Variants in TMEM9B observed in about 807,000 individuals in gnomAD.
The protein encoded by TMEM9B is transmembrane protein 9B.
In TMEM9B, 8 loss-of-function variants were observed where a neutral mutation model predicts 23.5. That is an observed-to-expected ratio of 0.34 (90% CI 0.20 to 0.61). The LOEUF (loss-of-function observed/expected upper bound fraction) is 0.61, where lower values mean the gene tolerates loss of function less well. Ranked by LOEUF, TMEM9B falls within the 20% of genes least tolerant of loss-of-function variation. The pLI, the probability that TMEM9B is intolerant of heterozygous loss-of-function variation, is 0.78. For missense variants in TMEM9B, 197 were observed against 252.3 expected (o/e 0.78, Z 1.49); for synonymous variants, 106 against 96.3 (o/e 1.10, Z -0.59).
intron 4 of TMEM9B, among the ~76,000 whole-genome samples, chr11:8,950,959 AC>A (rs1245606182): frequency 3.3e-5 from 5 of 152,206 alleles, no homozygotes; most frequent in African/African-American, 4.8e-5. Flanking sequence ...TAGAGTTGTT[AC>A]CATAAATTCA....
At chr11:8,962,980 T>G (rs1462128705) in intron 1 of TMEM9B, 6 of 152,226 alleles carry the variant, frequency 3.9e-5, no homozygotes, top group Admixed American at 2.6e-4. Context: ...GCAGAGCTAT[T>G]GACAATTCAC....
chr11:8,948,704 G>A (rs554932647), intron 4 of TMEM9B, among the ~76,000 whole-genome samples: 26 of 152,246 alleles, frequency 1.7e-4, no homozygotes, highest in African/African-American at 6.0e-4. Context: ...TTTGTGAAAC[G>A]TTCCCATGGA....
upstream of TMEM9B, chr11:8,964,467 G>A (rs933446406): frequency 2.8e-6 from 4 of 1,423,130 alleles, no homozygotes; most frequent in South Asian, 4.6e-5. Context: ...CACCGGGCGC[G>A]CCGGGTCAGA....
intron 3 of TMEM9B, among the ~76,000 whole-genome samples, chr11:8,954,985 T>C (rs1853947324): frequency 6.6e-6 from 1 of 152,026 alleles, no homozygotes; most frequent in Non-Finnish European, 1.5e-5. Flanking sequence ...ATCCTGTCTC[T>C]ACTAAAAATA....
At chr11:8,961,112 C>G (rs1229788987) in intron 2 of TMEM9B, among the ~76,000 whole-genome samples, 1 of 150,254 alleles carries the variant, frequency 6.7e-6, no homozygotes, top group Non-Finnish European at 1.5e-5. Context: ...CTCAAGAACA[C>G]ACTTAACAAA....
intron 3 of TMEM9B, among the ~76,000 whole-genome samples, chr11:8,955,381 G>A (rs1195963826): frequency 6.6e-6 from 1 of 152,016 alleles, no homozygotes; most frequent in Non-Finnish European, 1.5e-5. Context: ...CATTTATTGT[G>A]CACTTTATTT....
Position 8,962,910 on chromosome 11 carries a change from A to AGT in TMEM9B, c.106-729_106-728dup, listed in dbSNP as rs1854106973. 4 of 152,276 alleles carry AGT rather than the reference A, an allele frequency of 2.6e-5. No individual in the cohort carries two copies. The South Asian group carries it at 8.3e-4, about 32-fold the overall frequency. The allele number at this position is 152,276 out of a possible 1,614,324, so 9.4% of individuals were successfully genotyped here. On this transcript the variant is annotated intron_variant, in intron 1 of 4. Transcript: ENST00000534025. ...CAAAGGGGAATCTGTTTGAGAAGGA[A>AGT]GTGGCTTATCATTCCCCAGAGGACC...
Position 8,957,612 on chromosome 11 carries a change from C to A in TMEM9B, c.198-1314G>T, listed in dbSNP as rs763857182. Among the ~76,000 whole-genome samples, 1 of 152,192 alleles carries A rather than the reference C, an allele frequency of 6.6e-6. No individual in the cohort carries two copies. Among genetic ancestry groups the A allele is most frequent in the Non-Finnish European group, 1.5e-5 (1 of 68,040 alleles). On this transcript the variant is annotated intron_variant, in intron 2 of 4. Transcript: ENST00000534025. The surrounding 1 kb of genome is among the most constrained non-coding windows in gnomAD (Gnocchi z 4.3). ...CCTTCTCTTTCCCCACCAAAATGTA[C>A]TTTTTGGAAACAAAGTTACAGCTTG...
intron 2 of TMEM9B, among the ~76,000 whole-genome samples, chr11:8,959,213 C>A (rs7106152): frequency 6.6e-6 from 1 of 152,156 alleles, no homozygotes; most frequent in Admixed American, 6.5e-5. Flanking sequence ...AGGAGGCCAA[C>A]ATGTGAGGAT....
At chr11:8,952,123 AC>A (rs753278970) in intron 4 of TMEM9B, among the ~76,000 whole-genome samples, 26 of 152,140 alleles carry the variant, frequency 1.7e-4, no homozygotes, top group Non-Finnish European at 3.4e-4. Flanking sequence ...AACAAAAAAA[AC>A]ATTCTCTAAG....
rs1476620068 is a variant in TMEM9B, at chr11:8,957,896, C to T, written c.198-1598G>A. ...TTTCAGCCGGGCGCAGTGGCTCATG[C>T]CTGTAATCCCAGCACTTTGGGAGGC... On this transcript the variant is annotated intron_variant, in intron 2 of 4. Transcript: ENST00000534025. The surrounding 1 kb of genome is among the most constrained non-coding windows in gnomAD (Gnocchi z 4.3). Among the ~76,000 whole-genome samples, 1 of 152,186 alleles carries T rather than the reference C, an allele frequency of 6.6e-6. No homozygotes were observed. The highest frequency in any genetic ancestry group is 2.4e-5 in the African/African-American group (1 of 41,448).
chr11:8,953,085 C>G, intron 4 of TMEM9B, 118 bp downstream of exon 4: 1 of 1,266,060 alleles, frequency 7.9e-7, no homozygotes, highest in Non-Finnish European at 1.2e-6. Context: ...TTTAGCTTCT[C>G]TAGTTGAGGA....
In TMEM9B at chr11:8,962,115, A is replaced by C; in HGVS notation, c.174T>G (p.Asn58Lys). The change falls in exon 2 of 5, where the codon AAT (asparagine) becomes AAG (lysine). Residue 58 changes from asparagine (N) to lysine (K), a missense_variant. Asn to Lys is a moderately conservative substitution (Grantham distance 94). Coordinates refer to ENST00000534025, the MANE Select transcript of TMEM9B (RefSeq NM_020644.3). Reference sequence around the variant, plus strand: ...ACCAATCTTTCTGAGATATGTTCTTATTATAAATATGCCCAGAATTTTCTT... The same window carrying C: ...ACCAATCTTTCTGAGATATGTTCTTCTTATAAATATGCCCAGAATTTTCTT... Reference protein sequence around the residue: ...PYKENSGHIYNKNISQKDCDC... With the variant: ...PYKENSGHIYKKNISQKDCDC... 1 of 1,598,216 alleles carries C rather than the reference A, an allele frequency of 6.3e-7. No individual in the cohort carries two copies. Among genetic ancestry groups the C allele is most frequent in the Non-Finnish European group, 8.5e-7 (1 of 1,173,756 alleles).
At chr11:8,961,227 TACTGTTA>T (rs1854074396) in intron 2 of TMEM9B, among the ~76,000 whole-genome samples, 1 of 152,228 alleles carries the variant, frequency 6.6e-6, no homozygotes, top group Non-Finnish European at 1.5e-5. Context: ...CAGGTTGGAA[TACTGTTA>T]ACTGAATGAA....
At chr11:8,951,404 T>C (rs1208115834) in intron 4 of TMEM9B, among the ~76,000 whole-genome samples, 1 of 152,050 alleles carries the variant, frequency 6.6e-6, no homozygotes, top group Non-Finnish European at 1.5e-5. Context: ...TCCAATATAA[T>C]AATCCACGAG....
intron 4 of TMEM9B, among the ~76,000 whole-genome samples, chr11:8,952,335 TGTGA>T (rs1276820085): frequency 6.6e-6 from 1 of 151,242 alleles, no homozygotes; most frequent in Non-Finnish European, 1.5e-5. Context: ...TGTGTGTGTG[TGTGA>T]GAGATTTAAA....
chr11:8,950,995 G>T (rs745717563), intron 4 of TMEM9B, among the ~76,000 whole-genome samples: 10 of 152,122 alleles, frequency 6.6e-5, no homozygotes, highest in Non-Finnish European at 1.3e-4. Flanking sequence ...AAACCTCTCT[G>T]CCTAGAATCA....
chr11:8,949,889 A>ATTT (rs11476286), intron 4 of TMEM9B, among the ~76,000 whole-genome samples: 1 of 137,396 alleles, frequency 7.3e-6, no homozygotes, highest in African/African-American at 2.7e-5. Context: ...CATGAACTTA[A>ATTT]TTTTTTTTTT....
intron 4 of TMEM9B, among the ~76,000 whole-genome samples, chr11:8,951,740 AG>A (rs1286227384): frequency 6.6e-6 from 1 of 151,228 alleles, no homozygotes; most frequent in Admixed American, 6.6e-5. Context: ...CCGGGGCAAC[AG>A]AGCGAGACTG....
Sources: allele counts gnomAD v4.1 joint callset (sites outside exome capture counted in the v4.1 genomes callset), GRCh38; gene constraint gnomAD v4.1.1; non-coding constraint Gnocchi (gnomAD v3.1); transcripts MANE v1.5; gene names NCBI Gene and HGNC (gene_info 2026-07-23, HGNC 2026-07-21).